The following IQSEC1 variants were observed in gnomAD, a reference collection of about 807,000 sequenced individuals.
IQSEC1 encodes the protein IQ motif and Sec7 domain ArfGEF 1.
IQSEC1 carries 31 observed loss-of-function variants against 91.0 expected under a neutral mutation model. The ratio of observed to expected loss-of-function variants is 0.34; its 90% CI spans 0.26 to 0.46. The LOEUF is 0.46. Ranked by LOEUF, IQSEC1 falls within the 20% of genes least tolerant of loss-of-function variation. The pLI, the probability that IQSEC1 is intolerant of heterozygous loss-of-function variation, is 1.00. For synonymous variants in IQSEC1, 699 were observed against 662.6 expected, an observed-to-expected ratio of 1.05 and a Z score of -0.84; for missense variants, 1,388 against 1,575.6, an observed-to-expected ratio of 0.88 and a Z score of 2.02.
rs1696720251 is a variant in IQSEC1, at chr3:12,922,446, TG to T, written c.1731-205del. Among the ~76,000 whole-genome samples the T allele has an allele frequency of 2.0e-5, 3 of 152,314 alleles. No individual in the cohort carries two copies. In the South Asian group the frequency reaches 6.2e-4, roughly 32 times the overall value. ...TCTTCTGGGGAGCCCACAAAGCCCCTGGAACTGTAGGGAAGCGCGTGTGCCT... is the reference window on the plus strand; with the variant it reads ...TCTTCTGGGGAGCCCACAAAGCCCCTGAACTGTAGGGAAGCGCGTGTGCCT... On this transcript the variant is annotated intron_variant, in intron 4 of 13. Coordinates refer to ENST00000613206, the MANE Select transcript of IQSEC1 (RefSeq NM_001134382.3). The surrounding 1 kb of genome is among the most constrained non-coding windows in gnomAD (Gnocchi z 5.1).
At chr3:13,000,569 G>C (rs1212761497) in intron 1 of IQSEC1, among the ~76,000 whole-genome samples, 1 of 152,258 alleles carries the variant, frequency 6.6e-6, no homozygotes, top group Non-Finnish European at 1.5e-5. Flanking sequence ...AGCAGGAATA[G>C]AGTCTGCTTC....
intron 1 of IQSEC1, among the ~76,000 whole-genome samples, chr3:12,954,811 TG>T (rs1699796579): frequency 6.6e-6 from 1 of 152,178 alleles, no homozygotes; most frequent in Non-Finnish European, 1.5e-5. Flanking sequence ...TGCACAACCC[TG>T]GGAGTAGATG....
Position 12,922,312 on chromosome 3 carries a change from T to C in IQSEC1, c.1731-70A>G. 2 of 1,451,456 alleles carry C rather than the reference T, an allele frequency of 1.4e-6. No individual in the cohort carries two copies. The highest frequency in any genetic ancestry group is 1.8e-6 in the Non-Finnish European group (2 of 1,090,370). 89.9% of individuals were successfully genotyped at this position (1,451,456 alleles called of 1,614,324 possible). On this transcript the variant is annotated intron_variant, in intron 4 of 13. Transcript: ENST00000613206. This position sits in a 1 kb window ranked among gnomAD's most constrained non-coding sequence, Gnocchi z 5.1. ...GCGACACGCCCAGCCCACCCCCAGG[T>C]GGTGGTGCCTGAAGCCCTGGGAATG... is the stretch of plus-strand genomic sequence containing the variant.
chr3:13,156,433 T>C (rs1377177310), intron 2 of IQSEC1, among the ~76,000 whole-genome samples: 1 of 152,126 alleles, frequency 6.6e-6, no homozygotes, highest in Non-Finnish European at 1.5e-5. Context: ...GGGCTCAACA[T>C]AGTATTGGAA....
intron 1 of IQSEC1, among the ~76,000 whole-genome samples, chr3:13,037,204 G>A (rs966990982): frequency 4.6e-5 from 7 of 152,148 alleles, no homozygotes; most frequent in African/African-American, 1.2e-4. Context: ...ACCCACTGCT[G>A]GTAAGGCTAC....
In IQSEC1 at chr3:13,253,463, G is replaced by C. The variant is rs1695234739; in HGVS notation, c.272+29248C>G. On this transcript the variant is annotated intron_variant, in intron 1 of 15. Coordinates refer to the IQSEC1 transcript ENST00000648114. The stretch of plus-strand genomic sequence containing the variant: ...TTGAGTGGTGCGGTGACACTGGACA[G>C]GGGGTTGGAAGAGCTCACACCAAGG... Among the ~76,000 whole-genome samples the C allele has an allele frequency of 2.6e-5, 4 of 152,212 alleles. No homozygotes were observed. In the South Asian group the frequency reaches 8.3e-4, roughly 32 times the overall value.
At chr3:13,001,833 C>T (rs890589108) in intron 1 of IQSEC1, among the ~76,000 whole-genome samples, 15 of 151,804 alleles carry the variant, frequency 9.9e-5, no homozygotes, top group African/African-American at 3.1e-4. Flanking sequence ...CTGAGGCGGG[C>T]GGATCACCTG....
rs954273834 is a variant in IQSEC1, at chr3:13,259,847, G to A, written c.272+22864C>T. 6.6e-6 allele frequency among the ~76,000 whole-genome samples: 1 copy of A among 152,232 alleles called. No homozygotes were observed. Among genetic ancestry groups the A allele is most frequent in the South Asian group, 2.1e-4 (1 of 4,828 alleles). Reference sequence around the variant, plus strand: ...GTCAACGGGGCTTGCTTGTTGTGGCGCTCAGCGGGAGAAGTTTCTACCATA... The same window carrying A: ...GTCAACGGGGCTTGCTTGTTGTGGCACTCAGCGGGAGAAGTTTCTACCATA... On this transcript the variant is annotated intron_variant, in intron 1 of 15. Transcript: ENST00000648114. The surrounding 1 kb of genome is among the most constrained non-coding windows in gnomAD (Gnocchi z 4.6).
upstream of IQSEC1, among the ~76,000 whole-genome samples, chr3:13,073,548 C>A (rs1204179835): frequency 6.6e-6 from 1 of 151,614 alleles, no homozygotes; most frequent in Non-Finnish European, 1.5e-5. Context: ...CAGCATCAGG[C>A]GCGGCCGCTC....
intron 1 of IQSEC1, among the ~76,000 whole-genome samples, chr3:13,010,497 T>C (rs11715675): frequency 0.17 from 26,512 of 152,072 alleles, 4,481 homozygotes; most frequent in African/African-American, 0.44. Flanking sequence ...GACCTGGAGC[T>C]GTTGGGGCCA....
At chr3:12,957,410 G>T (rs1482373130) in intron 1 of IQSEC1, among the ~76,000 whole-genome samples, 2 of 152,240 alleles carry the variant, frequency 1.3e-5, no homozygotes, top group African/African-American at 4.8e-5. Flanking sequence ...CACTCGGAAA[G>T]ATTTTTCAGA....
intron 1 of IQSEC1, among the ~76,000 whole-genome samples, chr3:12,985,638 G>A (rs374081396): frequency 8.5e-5 from 13 of 152,250 alleles, no homozygotes; most frequent in African/African-American, 2.9e-4. Flanking sequence ...CAGAGTGGGC[G>A]GATTTAAAGG....
rs1702016055 is a variant in IQSEC1 at position 12,992,087 on chromosome 3, CG to C, written c.24-50223del. On this transcript the variant is annotated intron_variant, in intron 1 of 13. Coordinates refer to ENST00000613206, the MANE Select transcript of IQSEC1 (RefSeq NM_001134382.3). This position sits in a 1 kb window ranked among gnomAD's most constrained non-coding sequence, Gnocchi z 4.1. Reference sequence around the variant, plus strand: ...ACTGCAGAGACCTCTGAGGGGACACCGAGTCCTCCGAGCATTCCCCAGGAAG... The same window carrying C: ...ACTGCAGAGACCTCTGAGGGGACACCAGTCCTCCGAGCATTCCCCAGGAAG... 6.6e-6 allele frequency among the ~76,000 whole-genome samples: 1 copy of C among 152,106 alleles called. No individual in the cohort carries two copies. Among genetic ancestry groups the C allele is most frequent in the African/African-American group, 2.4e-5 (1 of 41,418 alleles).
intron 1 of IQSEC1, among the ~76,000 whole-genome samples, chr3:13,195,796 A>C (rs1350237984): frequency 3.9e-5 from 6 of 152,200 alleles, no homozygotes; most frequent in Admixed American, 2.0e-4. Context: ...AAACTGCATA[A>C]TCCTAAATAT....
intron 2 of IQSEC1, among the ~76,000 whole-genome samples, chr3:13,108,114 A>C (rs779896391): frequency 3.9e-4 from 59 of 152,162 alleles, no homozygotes; most frequent in Non-Finnish European, 6.2e-4. Context: ...TCCCCAGGGG[A>C]TTGTTTTTCC....
chr3:12,937,213 G>A (rs1332592671), intron 2 of IQSEC1, among the ~76,000 whole-genome samples: 6 of 152,336 alleles, frequency 3.9e-5, no homozygotes, highest in Middle Eastern at 3.4e-3. Flanking sequence ...GATTACAGGC[G>A]TGAGCCACCA....
chr3:13,273,607 G>A (rs1006907077), intron 1 of IQSEC1, among the ~76,000 whole-genome samples: 1 of 152,122 alleles, frequency 6.6e-6, no homozygotes, highest in African/African-American at 2.4e-5. Flanking sequence ...ACGTGCTCCT[G>A]CCCATCCCAG....
At chr3:13,026,136 G>A (rs1423722120) in intron 1 of IQSEC1, among the ~76,000 whole-genome samples, 5 of 152,220 alleles carry the variant, frequency 3.3e-5, no homozygotes, top group East Asian at 1.9e-4. Context: ...CAGGGTACTC[G>A]TTGCCTCAGC....
At chr3:13,015,032 CAA>C (rs63092662) in intron 1 of IQSEC1, among the ~76,000 whole-genome samples, 4,969 of 152,228 alleles carry the variant, frequency 0.033, 102 homozygotes, top group Middle Eastern at 0.068. Context: ...TCCATTTGCT[CAA>C]AGTTTATGCA....
Sources: gnomAD v4.1 joint callset for allele counts (sites outside exome capture counted in the v4.1 genomes callset) on GRCh38, gnomAD v4.1.1 for gene constraint, Gnocchi (gnomAD v3.1) non-coding constraint, MANE v1.5 for transcripts, NCBI Gene and HGNC (gene_info 2026-07-23, HGNC 2026-07-21) for gene names.